The following ACAP2 variants were observed in gnomAD, a reference collection of about 807,000 sequenced individuals.
ACAP2 encodes the protein ArfGAP with coiled-coil, ankyrin repeat and PH domains 2, also known as arf-GAP with coiled-coil, ANK repeat and PH domain-containing protein 2.
ACAP2 carries 39 observed loss-of-function variants against 115.8 expected under a neutral mutation model. The observed-to-expected ratio is 0.34, with a 90% CI of 0.26 to 0.44. The LOEUF (loss-of-function observed/expected upper bound fraction) is 0.44. Among genes scored for constraint, ACAP2 ranks in the 20% least tolerant of loss-of-function variants. The pLI is 1.00. For missense variants in ACAP2, 662 were observed against 927.6 expected (o/e 0.71, Z 3.72); for synonymous variants, 289 against 315.8 (o/e 0.92, Z 0.90).
At chr3:195,280,356 C>T (rs1726415598) in intron 22 of ACAP2, among the ~76,000 whole-genome samples, 1 of 152,050 alleles carries the variant, frequency 6.6e-6, no homozygotes, top group African/African-American at 2.4e-5. Flanking sequence ...CCTGTAATCC[C>T]AGCTACTCGG....
chr3:195,329,621 T>G (rs1730039982), intron 8 of ACAP2, among the ~76,000 whole-genome samples: 1 of 152,200 alleles, frequency 6.6e-6, no homozygotes, highest in Non-Finnish European at 1.5e-5. Context: ...CCATTTCATA[T>G]TCATCTACCC....
At chr3:195,296,813 A>C (rs576414263) in intron 16 of ACAP2, among the ~76,000 whole-genome samples, 74 of 152,320 alleles carry the variant, frequency 4.9e-4, no homozygotes, top group African/African-American at 1.8e-3. Context: ...TAAATTAAGT[A>C]TGAAAAATGT....
chr3:195,305,998 C>G (rs902409844), intron 13 of ACAP2, among the ~76,000 whole-genome samples: 4 of 152,008 alleles, frequency 2.6e-5, no homozygotes, highest in Admixed American at 2.6e-4. Flanking sequence ...CCCAAAAGTG[C>G]TGAGTTCCAT....
chr3:195,335,284 G>A (rs542559438), intron 7 of ACAP2, among the ~76,000 whole-genome samples: 3 of 152,108 alleles, frequency 2.0e-5, no homozygotes, highest in East Asian at 1.9e-4. Context: ...CAAAAAACAT[G>A]TGCCAACCCC....
At chr3:195,388,178 C>A (rs1009756518) in intron 2 of ACAP2, among the ~76,000 whole-genome samples, 1 of 152,040 alleles carries the variant, frequency 6.6e-6, no homozygotes, top group Non-Finnish European at 1.5e-5. Flanking sequence ...GCTATGCTCC[C>A]CACCCAAAAT....
intron 1 of ACAP2, among the ~76,000 whole-genome samples, chr3:195,415,117 G>C (rs576128319): frequency 6.6e-6 from 1 of 152,024 alleles, no homozygotes; most frequent in Non-Finnish European, 1.5e-5. Context: ...TGGACTTTGG[G>C]TGATAATAAT....
intron 1 of ACAP2, among the ~76,000 whole-genome samples, chr3:195,438,694 ACT>A (rs1577487553): frequency 1.3e-5 from 2 of 152,112 alleles, no homozygotes; most frequent in South Asian, 4.2e-4. Context: ...AACAAGTAAG[ACT>A]CTGTCTCTCA....
intron 8 of ACAP2, among the ~76,000 whole-genome samples, chr3:195,327,372 T>C (rs1729863495): frequency 6.6e-6 from 1 of 152,144 alleles, no homozygotes. Flanking sequence ...CAAAAAGCAG[T>C]GCAGCTAAAC....
At chr3:195,428,596 C>T (rs191541149) in intron 1 of ACAP2, among the ~76,000 whole-genome samples, 1 of 152,008 alleles carries the variant, frequency 6.6e-6, no homozygotes, top group Non-Finnish European at 1.5e-5. Context: ...ATATCATATA[C>T]CCTAGATGTG....
chr3:195,294,705 T>A lies in ACAP2; in HGVS notation c.1765+14A>T. ...AAACAAAACCAATTAACATTGAGTTTCATCAGAACTCACCAGGCTCATATA... is the reference window on the plus strand; with the variant it reads ...AAACAAAACCAATTAACATTGAGTTACATCAGAACTCACCAGGCTCATATA... On this transcript the variant is annotated intron_variant, in intron 18 of 22. Transcript: ENST00000326793. 6.7e-7 allele frequency: 1 copy of A among 1,483,730 alleles called. No homozygotes were observed. The highest frequency in any genetic ancestry group is 9.2e-7 in the Non-Finnish European group (1 of 1,088,950). 91.9% of individuals were successfully genotyped at this position (1,483,730 alleles called of 1,614,324 possible). A position where few individuals can be genotyped will look rare whatever the true frequency, so the allele number is the denominator to read the frequency against.
intron 4 of ACAP2, among the ~76,000 whole-genome samples, chr3:195,364,755 A>G (rs2089338236): frequency 6.6e-6 from 1 of 152,188 alleles, no homozygotes. Flanking sequence ...CTACCATACC[A>G]TCCAGCAATC....
At position 195,289,216 on chromosome 3, in the gene ACAP2, G is replaced by C; in HGVS notation, c.2079C>G (p.Phe693Leu). 6.2e-7 allele frequency: 1 copy of C among 1,611,116 alleles called. No individual in the cohort carries two copies. The highest frequency in any genetic ancestry group is 8.5e-7 in the Non-Finnish European group (1 of 1,178,832). ...VLGHTGQVCL[F>L]LKRGANQHAT... is the part of the protein sequence containing the mutation. ...CATGTTGATTGGCACCTCGTTTTAG[G>C]AATAAACATACCTGCCTGTTTAAGA... Residue 693 changes from phenylalanine to leucine, a missense_variant, in exon 21 of 23, where the codon TTC becomes TTG. By Grantham distance (22) the Phe-to-Leu change is conservative. This residue lies in a region of ACAP2 where 128 missense variants were observed against 200.2 expected (regional missense o/e 0.64). Transcript: ENST00000326793.
intron 4 of ACAP2, chr3:195,357,685 C>T (rs1447872968): frequency 6.6e-6 from 1 of 152,256 alleles, no homozygotes; most frequent in Non-Finnish European, 1.5e-5. Context: ...AAACAAGAGT[C>T]TCTACCTGGT....
intron 1 of ACAP2, among the ~76,000 whole-genome samples, chr3:195,400,136 C>T (rs949930569): frequency 2.0e-5 from 3 of 151,638 alleles, no homozygotes; most frequent in Non-Finnish European, 2.9e-5. Flanking sequence ...CAAGATCGCA[C>T]CATTGCACTC....
intron 2 of ACAP2, among the ~76,000 whole-genome samples, chr3:195,387,100 G>A (rs553594701): frequency 6.6e-6 from 1 of 152,212 alleles, no homozygotes; most frequent in South Asian, 2.1e-4. Context: ...GAGGAAGGAC[G>A]GACTTGGCAA....
At chr3:195,374,592 G>A (rs141077111) in intron 4 of ACAP2, among the ~76,000 whole-genome samples, 38 of 152,304 alleles carry the variant, frequency 2.5e-4, no homozygotes, top group East Asian at 2.1e-3. Flanking sequence ...TCTGCCTTTT[G>A]CTAATATGCC....
At chr3:195,342,007 G>A (rs1337386845) in intron 6 of ACAP2, among the ~76,000 whole-genome samples, 1 of 152,052 alleles carries the variant, frequency 6.6e-6, no homozygotes, top group Non-Finnish European at 1.5e-5. Flanking sequence ...GAAGGTGGGA[G>A]GGAGGTGATG....
chr3:195,439,584 C>G (rs1715848793), intron 1 of ACAP2, among the ~76,000 whole-genome samples: 1 of 151,920 alleles, frequency 6.6e-6, no homozygotes, highest in African/African-American at 2.4e-5. Flanking sequence ...AATAGATATT[C>G]ACTTCCTAAG....
chr3:195,421,071 T>A (rs991125957), intron 1 of ACAP2, among the ~76,000 whole-genome samples: 1 of 152,222 alleles, frequency 6.6e-6, no homozygotes, highest in African/African-American at 2.4e-5. Context: ...GGACTAAAAA[T>A]CACTGTGCTT....
Sources: allele counts gnomAD v4.1 joint callset (sites outside exome capture counted in the v4.1 genomes callset), GRCh38; gene constraint gnomAD v4.1.1; regional missense constraint gnomAD v4.1.1; transcripts MANE v1.5; gene names NCBI Gene and HGNC (gene_info 2026-07-23, HGNC 2026-07-21).